PSAP: variants seen among roughly 807,000 people sequenced by gnomAD.
PSAP encodes the protein precursor of saposins.
In PSAP, 25 loss-of-function variants were observed where a neutral mutation model predicts 66.0. That is an observed-to-expected ratio of 0.38 (90% CI 0.28 to 0.53). The LOEUF is 0.53. Ranked by LOEUF, PSAP falls within the 20% of genes least tolerant of loss-of-function variation. The probability of loss-of-function intolerance (pLI) is 0.83; values close to 1 mark genes in which losing one functional copy is unlikely to be tolerated. For missense variants in PSAP, 649 were observed against 668.8 expected (o/e 0.97, Z 0.33); for synonymous variants, 273 against 258.9 (o/e 1.05, Z -0.52).
At position 71,834,353 on chromosome 10, in the gene PSAP, G is replaced by C. The variant is rs1016091181; in HGVS notation, c.174+19C>G. On this transcript the variant is annotated intron_variant, in intron 2 of 13. Coordinates refer to ENST00000394936, the MANE Select transcript of PSAP (RefSeq NM_002778.4). ...CAAGAGGAGTGCTGCGGCTGGGACT[G>C]GAGGGCAGCGGCACTCACCACTGTT... 6.2e-7 allele frequency: 1 copy of C among 1,613,064 alleles called. No homozygotes were observed. Among genetic ancestry groups the C allele is most frequent in the African/African-American group, 1.3e-5 (1 of 75,052 alleles).
intron 11 of PSAP, 27 bp downstream of exon 11, chr10:71,819,438 C>T (rs372810999): frequency 2.9e-5 from 46 of 1,613,268 alleles, no homozygotes; most frequent in Non-Finnish European, 3.9e-5. Flanking sequence ...GCCATGCTGG[C>T]CTACCGCAGC....
At chr10:71,849,097 A>C (rs1250604842) in intron 1 of PSAP, among the ~76,000 whole-genome samples, 1 of 152,224 alleles carries the variant, frequency 6.6e-6, no homozygotes, top group African/African-American at 2.4e-5. Context: ...AGAACAATGG[A>C]TAATGTAAAA....
intron 1 of PSAP, among the ~76,000 whole-genome samples, chr10:71,850,502 C>G (rs1842907458): frequency 6.6e-6 from 1 of 152,112 alleles, no homozygotes; most frequent in Non-Finnish European, 1.5e-5. Context: ...TGATTGATGT[C>G]TCGTGCCTCC....
chr10:71,828,886 G>A lies in PSAP; in HGVS notation c.567C>T (p.Pro189=), dbSNP rs760310283. 3.7e-6 allele frequency: 6 copies of A among 1,613,996 alleles called. No homozygotes were observed. The highest frequency in any genetic ancestry group is 3.3e-5 in the South Asian group (3 of 91,060). Residue 189 remains proline (P), a synonymous_variant, in exon 5 of 14, where the codon CCC becomes CCT. Transcript: ENST00000394936. The part of the protein sequence containing the change: ...LYPQDGPRSK[P]QPKDNGDVCQ... ...CAGCCCGTTGTCTTACCTTTGGCTG[G>A]GGCTTGCTGCGGGGGCCGTCCTGAG... is the stretch of plus-strand genomic sequence containing the variant.
At chr10:71,818,555 A>T in intron 13 of PSAP, 62 bp downstream of exon 13, 1 of 1,397,914 alleles carries the variant, frequency 7.2e-7, no homozygotes, top group Non-Finnish European at 1.0e-6. Context: ...TTAAAGCAGG[A>T]TTCTCACACA....
chr10:71,818,637 C>G lies in PSAP; in HGVS notation c.1519G>C (p.Glu507Gln), dbSNP rs149000433. Residue 507 changes from glutamate (E) to glutamine (Q), a missense_variant, in exon 13 of 14, where the codon GAG becomes CAG. By Grantham distance (29) the Glu-to-Gln change is conservative. Transcript: ENST00000394936. ...WGPSYWCQNT[E>Q]TAAQCNAVEH... is the part of the protein sequence containing the mutation. ...CTCACATTGCACTGGGCTGCTGTCT[C>G]TGTGTTCTGGCACCAGTAGCTTGGG... 2.6e-4 allele frequency: 419 copies of G among 1,613,826 alleles called. No individual in the cohort carries two copies. Among genetic ancestry groups the G allele is most frequent in the Non-Finnish European group, 2.5e-4 (294 of 1,180,044 alleles).
In PSAP at chr10:71,819,569, C is replaced by T. The variant is rs1002803738; in HGVS notation, c.1246G>A (p.Val416Met). 3.7e-6 allele frequency: 6 copies of T among 1,614,238 alleles called. No homozygotes were observed. Among genetic ancestry groups the T allele is most frequent in the South Asian group, 1.1e-5 (1 of 91,088 alleles). Residue 416 changes from valine to methionine, a missense_variant, in exon 11 of 14, where the codon GTG becomes ATG. Coordinates refer to ENST00000394936, the MANE Select transcript of PSAP (RefSeq NM_002778.4). Reference protein sequence around the residue: ...GGFCEVCKKLVGYLDRNLEKN... With the variant: ...GGFCEVCKKLMGYLDRNLEKN... Reference sequence around the variant, plus strand: ...TCCAGGTTGCGATCCAAATAACCCACCAGCTTCTTGCACACTTCGCAGAAG... The same window carrying T: ...TCCAGGTTGCGATCCAAATAACCCATCAGCTTCTTGCACACTTCGCAGAAG...
At chr10:71,838,859 A>G (rs1303227383) in intron 1 of PSAP, among the ~76,000 whole-genome samples, 2 of 152,168 alleles carry the variant, frequency 1.3e-5, no homozygotes, top group African/African-American at 2.4e-5. Flanking sequence ...AATTCTATAT[A>G]AGAGGGATCC....
At chr10:71,849,558 G>A (rs894577645) in intron 1 of PSAP, among the ~76,000 whole-genome samples, 6 of 151,640 alleles carry the variant, frequency 4.0e-5, no homozygotes, top group Non-Finnish European at 7.4e-5. Context: ...CCGAGACTAC[G>A]CCATTGCACC....
At position 71,828,904 on chromosome 10, in the gene PSAP, G is replaced by A. The variant is rs142002239; in HGVS notation, c.549C>T (p.Asp183=). The A allele has an allele frequency of 2.4e-5, 38 of 1,613,996 alleles. No individual in the cohort carries two copies. Among genetic ancestry groups the A allele is most frequent in the African/African-American group, 9.3e-5 (7 of 74,906 alleles). ...ANIPLLLYPQ[D]GPRSKPQPKD... ...TTGGCTGGGGCTTGCTGCGGGGGCCGTCCTGAGGGTAGAGGAGGAGAGGGA... is the reference window on the plus strand; with the variant it reads ...TTGGCTGGGGCTTGCTGCGGGGGCCATCCTGAGGGTAGAGGAGGAGAGGGA... The change falls in exon 5 of 14, where the codon GAC becomes GAT. Residue 183 remains aspartate, a synonymous_variant. Coordinates refer to ENST00000394936, the MANE Select transcript of PSAP (RefSeq NM_002778.4).
intron 1 of PSAP, among the ~76,000 whole-genome samples, chr10:71,843,446 T>G (rs529553585): frequency 6.6e-6 from 1 of 152,110 alleles, no homozygotes; most frequent in Non-Finnish European, 1.5e-5. Flanking sequence ...CAGAACAGCA[T>G]CCCATCACAG....
Position 71,834,363 on chromosome 10 carries a change from G to A in PSAP, c.174+9C>T, listed in dbSNP as rs141133813. 1.9e-4 allele frequency: 309 copies of A among 1,613,332 alleles called. 2 individuals carry two copies. The African/African-American group carries it at 3.0e-3, about 16-fold the overall frequency. On this transcript the variant is annotated intron_variant, in intron 2 of 13. Coordinates refer to ENST00000394936, the MANE Select transcript of PSAP (RefSeq NM_002778.4). ...GCTGCGGCTGGGACTGGAGGGCAGCGGCACTCACCACTGTTGGCTTGTTCC... is the reference window on the plus strand; with the variant it reads ...GCTGCGGCTGGGACTGGAGGGCAGCAGCACTCACCACTGTTGGCTTGTTCC...
Position 71,851,183 on chromosome 10 carries a change from C to T in PSAP, c.39G>A (p.Ala13=), listed in dbSNP as rs369102577. 7 of 1,550,956 alleles carry T rather than the reference C, an allele frequency of 4.5e-6. No individual in the cohort carries two copies. Among genetic ancestry groups the T allele is most frequent in the African/African-American group, 1.4e-5 (1 of 73,062 alleles). ...ALFLLASLLG[A]ALAGPVLGLK... ...CAGGATGAGGGTCCCAGGGCTTACC[C>T]GCGCCCAGGAGGCTGGCCAGGAGGA... is the stretch of plus-strand genomic sequence containing the variant. Residue 13 remains alanine (A), a splice_region_variant and synonymous_variant, in exon 1 of 14, where the codon GCG becomes GCA. Coordinates refer to ENST00000394936, the MANE Select transcript of PSAP (RefSeq NM_002778.4).
At chr10:71,849,985 G>A (rs2133073546) in intron 1 of PSAP, among the ~76,000 whole-genome samples, 2 of 152,054 alleles carry the variant, frequency 1.3e-5, no homozygotes, top group East Asian at 3.9e-4. Flanking sequence ...CTCATCAGAT[G>A]GGTTTTATTT....
rs762158757 is a variant in PSAP, at chr10:71,817,433, T to C, written c.*8A>G. On this transcript the variant is annotated 3_prime_UTR_variant, in exon 14 of 14. Coordinates refer to ENST00000394936, the MANE Select transcript of PSAP (RefSeq NM_002778.4). ...TGTGGTTTCTGCCAAGATGGAATAT[T>C]CCTCCTCCTAGTTCCACACATGGCG... is the stretch of plus-strand genomic sequence containing the variant. 1.2e-6 allele frequency: 2 copies of C among 1,613,772 alleles called. No individual in the cohort carries two copies. Among genetic ancestry groups the C allele is most frequent in the Non-Finnish European group, 1.7e-6 (2 of 1,179,658 alleles).
chr10:71,832,351 C>A (rs1842537157), intron 2 of PSAP, among the ~76,000 whole-genome samples: 1 of 152,158 alleles, frequency 6.6e-6, no homozygotes, highest in Non-Finnish European at 1.5e-5. Context: ...TCCCCTGCCT[C>A]CCAGGCATGT....
At chr10:71,826,735 T>C (rs1842404533) in intron 6 of PSAP, among the ~76,000 whole-genome samples, 2 of 103,568 alleles carry the variant, frequency 1.9e-5, no homozygotes. Context: ...AGCTAAACCC[T>C]GTCTCAAGAA....
At chr10:71,845,688 G>C (rs1440469734) in intron 1 of PSAP, among the ~76,000 whole-genome samples, 8 of 152,084 alleles carry the variant, frequency 5.3e-5, no homozygotes, top group African/African-American at 7.2e-5. Context: ...TTTACGAATG[G>C]GGAAACCGAA....
rs890257490 is a variant in PSAP at position 71,822,076 on chromosome 10, C to G, written c.778-69G>C. The stretch of plus-strand genomic sequence containing the variant: ...CACTGCTCCTCAGTCCCAATCCAGC[C>G]AGAGGACAGGGAGCTGGACAGCACC... On this transcript the variant is annotated intron_variant, in intron 7 of 13. Coordinates refer to ENST00000394936, the MANE Select transcript of PSAP (RefSeq NM_002778.4). The G allele has an allele frequency of 2.5e-6, 4 of 1,610,056 alleles. No individual in the cohort carries two copies. The African/African-American group carries it at 5.3e-5, about 22-fold the overall frequency.
Sources: allele counts gnomAD v4.1 joint callset (sites outside exome capture counted in the v4.1 genomes callset), GRCh38; gene constraint gnomAD v4.1.1; transcripts MANE v1.5; gene names NCBI Gene and HGNC (gene_info 2026-07-23, HGNC 2026-07-21).